The following KCNK2 variants were observed in gnomAD, a reference collection of about 807,000 sequenced individuals.
KCNK2 encodes potassium two pore domain channel subfamily K member 2.
A neutral mutation model predicts 40.5 loss-of-function variants in KCNK2; 21 were observed. The ratio of observed to expected loss-of-function variants is 0.52; its 90% CI spans 0.37 to 0.75. The LOEUF (loss-of-function observed/expected upper bound fraction) is 0.75. Ranked by LOEUF, KCNK2 falls within the 30% of genes least tolerant of loss-of-function variation. The pLI, the probability that KCNK2 is intolerant of heterozygous loss-of-function variation, is 0.00. For missense variants in KCNK2, 399 were observed against 531.6 expected (o/e 0.75, Z 2.45); for synonymous variants, 191 against 202.2 (o/e 0.94, Z 0.47).
upstream of KCNK2, among the ~76,000 whole-genome samples, chr1:215,078,960 C>G (rs1659048797): frequency 6.6e-6 from 1 of 152,160 alleles, no homozygotes; most frequent in African/African-American, 2.4e-5. Context: ...TTAATTTTCA[C>G]TATGACATTT....
At chr1:215,204,508 A>G (rs909138779) in intron 6 of KCNK2, among the ~76,000 whole-genome samples, 6 of 152,104 alleles carry the variant, frequency 3.9e-5, no homozygotes, top group Non-Finnish European at 7.4e-5. Context: ...AAGATATAAT[A>G]TTATTTTTCT....
At chr1:215,154,517 C>T (rs1196771443) in intron 3 of KCNK2, among the ~76,000 whole-genome samples, 2 of 151,818 alleles carry the variant, frequency 1.3e-5, no homozygotes, top group Admixed American at 6.6e-5. Flanking sequence ...AAATTTCCTC[C>T]CATTCTGTAG....
chr1:215,168,353 G>A (rs1053206448), intron 3 of KCNK2, among the ~76,000 whole-genome samples: 1 of 152,180 alleles, frequency 6.6e-6, no homozygotes, highest in Non-Finnish European at 1.5e-5. Flanking sequence ...CCATTACTGG[G>A]TATATACCCA....
intron 6 of KCNK2, among the ~76,000 whole-genome samples, chr1:215,233,302 C>T (rs547086844): frequency 6.6e-5 from 10 of 151,924 alleles, no homozygotes; most frequent in African/African-American, 2.4e-4. Flanking sequence ...GACAGTATAA[C>T]TAGGAAATAA....
At chr1:215,042,923 TC>T (rs1657616636) in intron 1 of KCNK2, among the ~76,000 whole-genome samples, 1 of 152,202 alleles carries the variant, frequency 6.6e-6, no homozygotes, top group Admixed American at 6.5e-5. Flanking sequence ...ATCCTTTCAT[TC>T]TAGGCTCTCT....
intron 1 of KCNK2, among the ~76,000 whole-genome samples, chr1:215,062,386 T>G (rs534427922): frequency 6.6e-6 from 1 of 152,112 alleles, no homozygotes; most frequent in Non-Finnish European, 1.5e-5. Flanking sequence ...GCTCAGCTCA[T>G]GAGCTAAACT....
chr1:215,029,936 A>G (rs115400776), intron 1 of KCNK2, among the ~76,000 whole-genome samples: 2 of 152,158 alleles, frequency 1.3e-5, no homozygotes, highest in Admixed American at 6.5e-5. Context: ...AAGAAGGAGC[A>G]CAATTACTGG....
At chr1:215,145,598 T>G (rs1312294325) in intron 3 of KCNK2, among the ~76,000 whole-genome samples, 1 of 152,216 alleles carries the variant, frequency 6.6e-6, no homozygotes, top group Non-Finnish European at 1.5e-5. Flanking sequence ...TTTAGGACAA[T>G]TTGATGACAG....
At chr1:215,049,156 T>C (rs954565477) in intron 1 of KCNK2, among the ~76,000 whole-genome samples, 4 of 152,200 alleles carry the variant, frequency 2.6e-5, no homozygotes, top group Non-Finnish European at 4.4e-5. Context: ...GCATTTGATA[T>C]TGTCACTAAG....
At chr1:215,169,914 G>A (rs2102634857) in intron 4 of KCNK2, among the ~76,000 whole-genome samples, 1 of 152,150 alleles carries the variant, frequency 6.6e-6, no homozygotes, top group South Asian at 2.1e-4. Context: ...CCAAAGTGCT[G>A]GGATTACAGG....
At chr1:215,075,784 C>T (rs1311349695) in intron 1 of KCNK2, among the ~76,000 whole-genome samples, 4 of 152,286 alleles carry the variant, frequency 2.6e-5, no homozygotes, top group East Asian at 3.9e-4. Flanking sequence ...CAGCACTGCC[C>T]AGTTTCTCAC....
At chr1:215,215,613 G>T (rs1179928673) in intron 6 of KCNK2, among the ~76,000 whole-genome samples, 1 of 152,134 alleles carries the variant, frequency 6.6e-6, no homozygotes, top group African/African-American at 2.4e-5. Flanking sequence ...GACAAAGGGT[G>T]GCCATGTGTG....
At chr1:215,006,509 T>A (rs1182230379) in intron 1 of KCNK2, among the ~76,000 whole-genome samples, 1 of 152,168 alleles carries the variant, frequency 6.6e-6, no homozygotes, top group Non-Finnish European at 1.5e-5. Flanking sequence ...CTTTTTACAT[T>A]TCCATAGTTT....
At chr1:215,094,645 A>G (rs944584588) in intron 2 of KCNK2, among the ~76,000 whole-genome samples, 4 of 152,130 alleles carry the variant, frequency 2.6e-5, no homozygotes, top group African/African-American at 9.6e-5. Context: ...ATCAAGTAGC[A>G]ATTGAGACAT....
intron 1 of KCNK2, among the ~76,000 whole-genome samples, chr1:215,045,822 T>C (rs1422824042): frequency 6.6e-6 from 1 of 152,236 alleles, no homozygotes; most frequent in African/African-American, 2.4e-5. Flanking sequence ...TGTTAACAAA[T>C]GTGTGACTTC....
chr1:215,070,587 A>C (rs777889830), intron 1 of KCNK2, among the ~76,000 whole-genome samples: 1 of 152,066 alleles, frequency 6.6e-6, no homozygotes, highest in African/African-American at 2.4e-5. Context: ...CCTTCATAAC[A>C]CCATCAGATT....
Position 215,169,354 on chromosome 1 carries a change from T to A in KCNK2, c.631T>A (p.Phe211Ile), listed in dbSNP as rs1366291875. 1 of 1,607,668 alleles carries A rather than the reference T, an allele frequency of 6.2e-7. No individual in the cohort carries two copies. The highest frequency in any genetic ancestry group is 8.5e-7 in the Non-Finnish European group (1 of 1,176,016). Residue 211 changes from phenylalanine (F) to isoleucine (I), a missense_variant, in exon 4 of 7, where the codon TTT becomes ATT. Phe to Ile is a conservative substitution (Grantham distance 21, BLOSUM62 0). Coordinates refer to ENST00000444842, the MANE Select transcript of KCNK2 (RefSeq NM_001017425.3). ...GKGIAKVEDT[F>I]IKWNVSQTKI... The stretch of plus-strand genomic sequence containing the variant: ...AGGAATTGCCAAAGTGGAAGATACG[T>A]TTATTGTGAGTATGATAGATATTTA...
intron 2 of KCNK2, among the ~76,000 whole-genome samples, chr1:215,096,398 C>G (rs989967019): frequency 1.3e-5 from 2 of 151,704 alleles, no homozygotes; most frequent in Admixed American, 6.6e-5. Flanking sequence ...TTATGGTGTA[C>G]ATGTGATATT....
chr1:215,018,506 T>C (rs1216145760), intron 1 of KCNK2, among the ~76,000 whole-genome samples: 1 of 152,022 alleles, frequency 6.6e-6, no homozygotes, highest in Non-Finnish European at 1.5e-5. Context: ...AATGCATGAG[T>C]TCATGATGAT....
Sources: gnomAD v4.1 joint callset for allele counts (sites outside exome capture counted in the v4.1 genomes callset) on GRCh38, gnomAD v4.1.1 for gene constraint, MANE v1.5 for transcripts, NCBI Gene and HGNC (gene_info 2026-07-23, HGNC 2026-07-21) for gene names.